The following ROBO2 variants were observed in gnomAD, a reference collection of about 807,000 sequenced individuals.
ROBO2 encodes the protein roundabout guidance receptor 2, also known as roundabout homolog 2.
A neutral mutation model predicts 160.8 loss-of-function variants in ROBO2; 53 were observed. The ratio of observed to expected loss-of-function variants is 0.33; its 90% CI spans 0.26 to 0.41. The LOEUF is 0.41. Ranked by LOEUF, ROBO2 falls within the 10% of genes least tolerant of loss-of-function variation. The pLI is 1.00. For missense variants in ROBO2, 1,577 were observed against 1,722.4 expected (o/e 0.92, Z 1.49); for synonymous variants, 664 against 611.7 (o/e 1.09, Z -1.26).
chr3:76,437,862 C>T (rs532336578), intron 2 of ROBO2, among the ~76,000 whole-genome samples: 35 of 152,244 alleles, frequency 2.3e-4, no homozygotes, highest in African/African-American at 8.4e-4. Flanking sequence ...AACATATCTG[C>T]CTCTTGGATA....
At chr3:77,375,068 C>T (rs2072438718) in intron 2 of ROBO2, among the ~76,000 whole-genome samples, 1 of 151,996 alleles carries the variant, frequency 6.6e-6, no homozygotes, top group Admixed American at 6.6e-5. Context: ...AAAAATGAGC[C>T]AGGTATGGTT....
intron 24 of ROBO2, among the ~76,000 whole-genome samples, chr3:77,638,362 G>A (rs902168972): frequency 4.6e-5 from 7 of 152,122 alleles, no homozygotes; most frequent in African/African-American, 1.7e-4. Flanking sequence ...GGCCTTTTTA[G>A]CACTGGGATA....
At chr3:76,348,380 T>C (rs753258009) in intron 2 of ROBO2, among the ~76,000 whole-genome samples, 7 of 152,118 alleles carry the variant, frequency 4.6e-5, no homozygotes, top group Non-Finnish European at 1.0e-4. Context: ...TTGCCTTAAA[T>C]AGGGAAACAC....
chr3:76,455,397 A>G (rs1056519073), intron 2 of ROBO2, among the ~76,000 whole-genome samples: 2 of 152,184 alleles, frequency 1.3e-5, no homozygotes, highest in African/African-American at 4.8e-5. Context: ...AGTGTTATCC[A>G]TTCAATTAAA....
At chr3:77,444,211 A>G (rs1444232950) in intron 2 of ROBO2, among the ~76,000 whole-genome samples, 1 of 152,222 alleles carries the variant, frequency 6.6e-6, no homozygotes, top group Non-Finnish European at 1.5e-5. Context: ...TTGCATAAAT[A>G]AATGTAGGTT....
intron 2 of ROBO2, among the ~76,000 whole-genome samples, chr3:76,422,247 T>G (rs924551640): frequency 3.4e-4 from 51 of 152,204 alleles, no homozygotes; most frequent in African/African-American, 1.1e-3. Flanking sequence ...TGGTCCCCAC[T>G]GCCCACTCTA....
intron 2 of ROBO2, among the ~76,000 whole-genome samples, chr3:77,423,106 A>G (rs1057494397): frequency 5.3e-5 from 8 of 152,236 alleles, no homozygotes; most frequent in African/African-American, 1.9e-4. Flanking sequence ...TTTTCCCCAC[A>G]TTACTCATTG....
At chr3:75,978,263 C>T (rs1275916472) in intron 2 of ROBO2, among the ~76,000 whole-genome samples, 1 of 151,408 alleles carries the variant, frequency 6.6e-6, no homozygotes, top group African/African-American at 2.4e-5. Context: ...AGTGAATACA[C>T]TAATGGGCTC....
chr3:77,063,599 T>G (rs1309482305), intron 1 of ROBO2, among the ~76,000 whole-genome samples: 1 of 152,260 alleles, frequency 6.6e-6, no homozygotes, highest in Non-Finnish European at 1.5e-5. Flanking sequence ...AATTTACATA[T>G]GTGCTTTATG....
chr3:76,646,257 G>A (rs1261270567), intron 2 of ROBO2, among the ~76,000 whole-genome samples: 2 of 152,182 alleles, frequency 1.3e-5, no homozygotes, highest in Non-Finnish European at 1.5e-5. Flanking sequence ...TAAGTGGAAA[G>A]GATTTCTTGT....
chr3:77,467,327 T>A (rs1049041819), intron 2 of ROBO2, among the ~76,000 whole-genome samples: 2 of 152,084 alleles, frequency 1.3e-5, no homozygotes, highest in Non-Finnish European at 2.9e-5. Context: ...GGTCTAATGG[T>A]AAGGGCTAAA....
At chr3:77,349,641 A>G (rs1217752054) in intron 2 of ROBO2, among the ~76,000 whole-genome samples, 4 of 152,182 alleles carry the variant, frequency 2.6e-5, no homozygotes, top group Admixed American at 6.5e-5. Context: ...GGATACTCCA[A>G]AGCGAAAGTT....
chr3:76,821,828 C>G (rs1043655291), intron 2 of ROBO2, among the ~76,000 whole-genome samples: 8 of 151,918 alleles, frequency 5.3e-5, no homozygotes, highest in Non-Finnish European at 7.4e-5. Flanking sequence ...ATAAATTGGT[C>G]CTTTTTAACT....
intron 2 of ROBO2, among the ~76,000 whole-genome samples, chr3:76,117,589 C>A (rs1475258912): frequency 6.6e-6 from 1 of 152,094 alleles, no homozygotes; most frequent in Non-Finnish European, 1.5e-5. Flanking sequence ...GTTCTTACTT[C>A]ATGTGGAGAA....
At chr3:76,051,013 T>C (rs1266077222) in intron 2 of ROBO2, among the ~76,000 whole-genome samples, 2 of 152,220 alleles carry the variant, frequency 1.3e-5, no homozygotes, top group Non-Finnish European at 2.9e-5. Flanking sequence ...TCCTACATCA[T>C]TGGTTGAGTT....
intron 2 of ROBO2, among the ~76,000 whole-genome samples, chr3:76,073,383 C>T (rs957506850): frequency 2.9e-5 from 4 of 137,970 alleles, no homozygotes; most frequent in African/African-American, 1.1e-4. Flanking sequence ...AAGCTCCCCT[C>T]CTGGGTTCCC....
At chr3:77,477,460 A>G in exon 3 of ROBO2, 2 of 1,613,988 alleles carry the variant, frequency 1.2e-6, no homozygotes, top group Non-Finnish European at 1.7e-6. Context: ...TTGTAGTGGC[A>G]GCTGGAGAGC....
At chr3:76,966,309 C>A (rs2059291596) in intron 2 of ROBO2, among the ~76,000 whole-genome samples, 1 of 152,174 alleles carries the variant, frequency 6.6e-6, no homozygotes, top group African/African-American at 2.4e-5. Context: ...ACATATATTT[C>A]TTGAGCCCCT....
At chr3:77,012,968 G>T (rs2062009083) in intron 2 of ROBO2, among the ~76,000 whole-genome samples, 1 of 152,118 alleles carries the variant, frequency 6.6e-6, no homozygotes, top group Non-Finnish European at 1.5e-5. Context: ...TTCTTCAATA[G>T]CACCACTTTT....
Sources: gnomAD v4.1 joint callset for allele counts (sites outside exome capture counted in the v4.1 genomes callset) on GRCh38, gnomAD v4.1.1 for gene constraint, MANE v1.5 for transcripts, NCBI Gene and HGNC (gene_info 2026-07-23, HGNC 2026-07-21) for gene names.